The following CMSS1 variants were observed in gnomAD, a reference collection of about 807,000 sequenced individuals.
The protein encoded by CMSS1 is protein CMSS1.
A neutral mutation model predicts 43.5 loss-of-function variants in CMSS1; 33 were observed. That is an observed-to-expected ratio of 0.76 (90% CI 0.57 to 1.01). The LOEUF (loss-of-function observed/expected upper bound fraction) is 1.01. Ranked by LOEUF, CMSS1 falls within the 50% of genes least tolerant of loss-of-function variation. CMSS1 has a pLI of 0.00. For missense variants in CMSS1, 313 were observed against 326.4 expected (o/e 0.96, Z 0.32); for synonymous variants, 115 against 117.2 (o/e 0.98, Z 0.12).
At chr3:99,940,806 A>G (rs1401522025) in intron 1 of CMSS1, among the ~76,000 whole-genome samples, 1 of 152,262 alleles carries the variant, frequency 6.6e-6, no homozygotes. Flanking sequence ...CAGCCTAATA[A>G]GGACCTTGAG....
intron 1 of CMSS1, among the ~76,000 whole-genome samples, chr3:99,822,603 G>C (rs1209661671): frequency 1.3e-5 from 2 of 152,112 alleles, no homozygotes; most frequent in Non-Finnish European, 2.9e-5. Flanking sequence ...GTGGTGGCAC[G>C]CACCTGTAAT....
At chr3:99,939,206 A>G (rs1368913588) in intron 1 of CMSS1, among the ~76,000 whole-genome samples, 1 of 152,194 alleles carries the variant, frequency 6.6e-6, no homozygotes, top group African/African-American at 2.4e-5. Context: ...CCATAGTATC[A>G]GGCACTTAGT....
chr3:99,958,376 G>T (rs969051721), intron 1 of CMSS1, among the ~76,000 whole-genome samples: 2 of 151,906 alleles, frequency 1.3e-5, no homozygotes, highest in Non-Finnish European at 2.9e-5. Context: ...GAGAGAACTA[G>T]GGCCTGTTAA....
chr3:99,997,047 A>G (rs185081872), intron 1 of CMSS1, among the ~76,000 whole-genome samples: 1 of 152,370 alleles, frequency 6.6e-6, no homozygotes, highest in Non-Finnish European at 1.5e-5. Flanking sequence ...TCAATAAAAT[A>G]TCTGAAATTA....
At chr3:99,850,242 C>G in intron 1 of CMSS1, 1 of 1,613,708 alleles carries the variant, frequency 6.2e-7, no homozygotes, top group Non-Finnish European at 8.5e-7. Context: ...TCTTTTCTAG[C>G]CGACTTTCAA....
At chr3:100,016,775 A>C (rs1189930029) in intron 1 of CMSS1, among the ~76,000 whole-genome samples, 1 of 152,224 alleles carries the variant, frequency 6.6e-6, no homozygotes, top group Non-Finnish European at 1.5e-5. Flanking sequence ...CAAAGTTGCT[A>C]TAAACTTATA....
At chr3:100,166,435 A>T (rs764408581) in intron 5 of CMSS1, 41 bp downstream of exon 5, 3 of 1,340,874 alleles carry the variant, frequency 2.2e-6, no homozygotes, top group Non-Finnish European at 3.2e-6. Context: ...ACTCATTCTT[A>T]TTTTGCTCTG....
At chr3:99,839,609 C>G (rs1383333836) in intron 1 of CMSS1, among the ~76,000 whole-genome samples, 1 of 152,112 alleles carries the variant, frequency 6.6e-6, no homozygotes, top group Non-Finnish European at 1.5e-5. Flanking sequence ...CTTATTTCTC[C>G]CAAGGGCACA....
intron 1 of CMSS1, among the ~76,000 whole-genome samples, chr3:100,097,691 T>A (rs2066235031): frequency 6.6e-6 from 1 of 152,208 alleles, no homozygotes; most frequent in South Asian, 2.1e-4. Context: ...TTAGGTTATT[T>A]TCAGCACCAT....
chr3:100,022,660 A>G (rs1264844448), intron 1 of CMSS1, among the ~76,000 whole-genome samples: 2 of 152,200 alleles, frequency 1.3e-5, no homozygotes, highest in African/African-American at 2.4e-5. Context: ...AAAGAGGGAG[A>G]TTCCATTCTG....
At chr3:100,160,625 C>T in intron 3 of CMSS1, 124 bp downstream of exon 3, 1 of 589,458 alleles carries the variant, frequency 1.7e-6, no homozygotes, top group Non-Finnish European at 3.1e-6. Context: ...TTGTAAGATT[C>T]TTTGAGGTTT....
At chr3:100,013,622 T>C (rs1004543894) in intron 1 of CMSS1, among the ~76,000 whole-genome samples, 4 of 152,154 alleles carry the variant, frequency 2.6e-5, no homozygotes, top group African/African-American at 9.7e-5. Context: ...AATGACCATA[T>C]TCATTTTGTT....
chr3:99,833,020 A>AAAT (rs1942748185), intron 1 of CMSS1: 1 of 547,408 alleles, frequency 1.8e-6, no homozygotes, highest in Non-Finnish European at 3.2e-6. Flanking sequence ...ATTGCAAGAG[A>AAAT]AATACATGCA....
At chr3:99,999,682 A>G (rs1201222019) in intron 1 of CMSS1, among the ~76,000 whole-genome samples, 1 of 152,130 alleles carries the variant, frequency 6.6e-6, no homozygotes, top group Non-Finnish European at 1.5e-5. Context: ...TTGATGGTTC[A>G]TTGCTTTATG....
intron 1 of CMSS1, among the ~76,000 whole-genome samples, chr3:99,965,811 G>A (rs965724897): frequency 3.3e-5 from 5 of 152,210 alleles, no homozygotes; most frequent in African/African-American, 9.6e-5. Flanking sequence ...TTTATAAACT[G>A]CATGCTGTTT....
At chr3:100,044,358 A>T (rs1215449297) in intron 1 of CMSS1, among the ~76,000 whole-genome samples, 1 of 152,122 alleles carries the variant, frequency 6.6e-6, no homozygotes, top group Non-Finnish European at 1.5e-5. Flanking sequence ...TCATAGTATA[A>T]AGAAGTAACA....
chr3:100,147,073 C>T lies in CMSS1; in HGVS notation c.153+12C>T, dbSNP rs747852046. 4 of 1,613,244 alleles carry T rather than the reference C, an allele frequency of 2.5e-6. No homozygotes were observed. Among genetic ancestry groups the T allele is most frequent in the Non-Finnish European group, 3.4e-6 (4 of 1,179,550 alleles). The stretch of plus-strand genomic sequence containing the variant: ...AGAAAACCAAACAGGTGAGGGGTCA[C>T]TGTGGGAGAGCCACCACTGTTAAAT... On this transcript the variant is annotated intron_variant, in intron 2 of 9. Coordinates refer to ENST00000421999, the MANE Select transcript of CMSS1 (RefSeq NM_032359.4).
chr3:99,823,492 C>T (rs1272108349), intron 1 of CMSS1, among the ~76,000 whole-genome samples: 1 of 152,186 alleles, frequency 6.6e-6, no homozygotes, highest in Non-Finnish European at 1.5e-5. Flanking sequence ...CCCTATATCT[C>T]ATCCATCAAG....
At chr3:99,946,996 G>A (rs918295987) in intron 1 of CMSS1, among the ~76,000 whole-genome samples, 2 of 151,996 alleles carry the variant, frequency 1.3e-5, no homozygotes, top group African/African-American at 4.8e-5. Context: ...AATTAGCGGG[G>A]CGTGGTGGCA....
Sources: allele counts gnomAD v4.1 joint callset (sites outside exome capture counted in the v4.1 genomes callset), GRCh38; gene constraint gnomAD v4.1.1; transcripts MANE v1.5; gene names NCBI Gene and HGNC (gene_info 2026-07-23, HGNC 2026-07-21).